PISD: variants seen among roughly 807,000 people sequenced by gnomAD.
PISD encodes the protein phosphatidylserine decarboxylase, also known as phosphatidylserine decarboxylase proenzyme, mitochondrial.
In PISD, 31 loss-of-function variants were observed where a neutral mutation model predicts 43.5. That is an observed-to-expected ratio of 0.71 (90% CI 0.54 to 0.96). The LOEUF (loss-of-function observed/expected upper bound fraction) is 0.96. PISD is among the 40% of genes least tolerant of loss of function. The probability of loss-of-function intolerance (pLI) is 0.00; values close to 1 mark genes in which losing one functional copy is unlikely to be tolerated. For missense variants in PISD, 523 were observed against 548.4 expected (o/e 0.95, Z 0.46); for synonymous variants, 259 against 228.7 (o/e 1.13, Z -1.20).
At chr22:31,627,013 C>T (rs978241629) in intron 3 of PISD, among the ~76,000 whole-genome samples, 3 of 152,262 alleles carry the variant, frequency 2.0e-5, no homozygotes, top group East Asian at 1.9e-4. Context: ...TCGCTGTGGT[C>T]GCGCGTGGTT....
chr22:31,621,196 G>A (rs2072547211), intron 5 of PISD, 54 bp from the exon 6 acceptor site: 1 of 1,613,210 alleles, frequency 6.2e-7, no homozygotes, highest in Middle Eastern at 1.7e-4. Flanking sequence ...ACCCAGCACG[G>A]AGCCCGAGTG....
intron 1 of PISD, among the ~76,000 whole-genome samples, chr22:31,656,533 C>T (rs2074181622): frequency 6.6e-6 from 1 of 151,704 alleles, no homozygotes; most frequent in Non-Finnish European, 1.5e-5. Context: ...CCTATAGTCC[C>T]AGCTACTCAG....
At chr22:31,662,555 A>C (rs1601475704), upstream of PISD, 2 of 359,444 alleles carry the variant, frequency 5.6e-6, no homozygotes, top group Admixed American at 8.6e-5. Flanking sequence ...GGATGGGGAA[A>C]CTGGGCATCC....
chr22:31,662,236 G>A, upstream of PISD: 6 of 1,596,788 alleles, frequency 3.8e-6, no homozygotes, highest in Non-Finnish European at 5.1e-6. Context: ...AGCGTGCCAC[G>A]CCCCCTTCAC....
chr22:31,625,855 A>G, intron 3 of PISD: 2 of 1,572,804 alleles, frequency 1.3e-6, no homozygotes, highest in Non-Finnish European at 1.7e-6. Flanking sequence ...TCACTCGATC[A>G]CTCCCTTTGT....
intron 3 of PISD, 80 bp downstream of exon 3, chr22:31,648,021 T>A: frequency 7.8e-7 from 1 of 1,286,130 alleles, no homozygotes; most frequent in African/African-American, 1.5e-5. Flanking sequence ...TGTTCAAACA[T>A]TTCAACTTTG....
At chr22:31,645,989 A>G (rs1246698483) in intron 3 of PISD, among the ~76,000 whole-genome samples, 1 of 152,110 alleles carries the variant, frequency 6.6e-6, no homozygotes. Context: ...CCAAAAAAAA[A>G]TCCAAAACAC....
chr22:31,628,306 A>G (rs1569483911), intron 3 of PISD: 2 of 492,054 alleles, frequency 4.1e-6, no homozygotes, highest in Non-Finnish European at 5.3e-6. Context: ...TGGCCTCCCT[A>G]TTTCAAATCC....
intron 3 of PISD, chr22:31,638,753 C>T: frequency 3.5e-6 from 1 of 282,192 alleles, no homozygotes; most frequent in Non-Finnish European, 5.3e-6. Flanking sequence ...TCTCAGGCAG[C>T]TGGGACCAGA....
At chr22:31,658,384 G>A (rs933694723) in intron 1 of PISD, among the ~76,000 whole-genome samples, 7 of 152,210 alleles carry the variant, frequency 4.6e-5, no homozygotes, top group African/African-American at 1.7e-4. Flanking sequence ...CTCATTAGAA[G>A]ACAATCATGC....
chr22:31,654,669 G>A (rs2074117773), intron 1 of PISD, among the ~76,000 whole-genome samples: 2 of 152,196 alleles, frequency 1.3e-5, no homozygotes, highest in Admixed American at 1.3e-4. Context: ...ATGAGACTAA[G>A]TGTGAACCAA....
At chr22:31,637,163 AAATATATATATAT>A (rs1221886889) in intron 3 of PISD, among the ~76,000 whole-genome samples, 67 of 20,404 alleles carry the variant, frequency 3.3e-3, no homozygotes, top group South Asian at 5.4e-3. Flanking sequence ...AAAAAAAAAA[AAATATATATATAT>A]ATATATATAT....
intron 3 of PISD, among the ~76,000 whole-genome samples, chr22:31,637,205 A>G (rs531849974): frequency 8.1e-5 from 9 of 110,618 alleles, no homozygotes; most frequent in African/African-American, 2.9e-4. Flanking sequence ...ATATATATAT[A>G]TAGAAAAATT....
At chr22:31,629,295 G>A (rs8141236) in intron 3 of PISD, 1 of 884,892 alleles carries the variant, frequency 1.1e-6, no homozygotes, top group Non-Finnish European at 1.4e-6. Context: ...CAGGTGCAAG[G>A]GTATGTGCAT....
intron 3 of PISD, chr22:31,625,597 G>A (rs938668280): frequency 2.2e-5 from 17 of 783,456 alleles, no homozygotes; most frequent in African/African-American, 2.1e-4. Flanking sequence ...CGGGCTCTCC[G>A]ACTCAGGGTG....
intron 3 of PISD, among the ~76,000 whole-genome samples, chr22:31,641,157 G>A (rs56337539): frequency 0.026 from 3,942 of 151,838 alleles, 148 homozygotes; most frequent in African/African-American, 0.089. Context: ...CTCAACTAAC[G>A]GATAAAAGAT....
rs755909957 is a variant in PISD at position 31,621,390 on chromosome 22, GAGT to G, written c.638_640del (p.Tyr213del). On this transcript the variant is annotated inframe_deletion, in exon 5 of 8. Transcript: ENST00000439502. ...ACGCGGGCCCAGGAACGACTCCAGG[GAGT>G]AGGTGACCCCCTTTACCTGCTCCAC... 1.7e-5 allele frequency: 28 copies of G among 1,614,010 alleles called. No homozygotes were observed. The highest frequency in any genetic ancestry group is 2.5e-6 in the Non-Finnish European group (3 of 1,180,034).
intron 3 of PISD, chr22:31,629,916 T>G (rs1007133215): frequency 6.6e-6 from 1 of 152,102 alleles, no homozygotes; most frequent in Non-Finnish European, 1.5e-5. Context: ...TCTTGAAGCC[T>G]CAGCAGAAAC....
chr22:31,625,683 G>T, intron 3 of PISD: 2 of 1,524,320 alleles, frequency 1.3e-6, no homozygotes, highest in Non-Finnish European at 8.9e-7. Flanking sequence ...TCTACTGCGA[G>T]GCCGCTGGAT....
Sources: allele counts gnomAD v4.1 joint callset (sites outside exome capture counted in the v4.1 genomes callset), GRCh38; gene constraint gnomAD v4.1.1; transcripts MANE v1.5; gene names NCBI Gene and HGNC (gene_info 2026-07-23, HGNC 2026-07-21).